SH3BGRL2: variants seen among roughly 807,000 people sequenced by gnomAD.
The protein encoded by SH3BGRL2 is SH3 domain-binding glutamic acid-rich-like protein 2.
A neutral mutation model predicts 14.8 loss-of-function variants in SH3BGRL2; 21 were observed. The ratio of observed to expected loss-of-function variants is 1.42; its 90% CI spans 1.01 to 2.05. SH3BGRL2 has a LOEUF of 2.05. Among genes scored for constraint, SH3BGRL2 ranks in the 30% most tolerant of loss-of-function variants. The pLI, the probability that SH3BGRL2 is intolerant of heterozygous loss-of-function variation, is 0.00. For synonymous variants in SH3BGRL2, 50 were observed against 47.8 expected, an observed-to-expected ratio of 1.05 and a Z score of -0.19; for missense variants, 147 against 130.8, an observed-to-expected ratio of 1.12 and a Z score of -0.61.
chr6:79,583,379 A>C, the SH3BGRL2 span, among the ~76,000 whole-genome samples: 4 of 152,204 alleles, frequency 2.6e-5, no homozygotes, highest in Non-Finnish European at 5.9e-5. Context: ...CTTGGAACCA[A>C]CCCAAATGCC....
intron 1 of SH3BGRL2, among the ~76,000 whole-genome samples, chr6:79,652,456 A>G (rs1265590129): frequency 6.6e-6 from 1 of 152,168 alleles, no homozygotes; most frequent in Non-Finnish European, 1.5e-5. Context: ...ACATTAGTAT[A>G]AGAACGACAG....
At chr6:79,545,386 C>G in the SH3BGRL2 span, among the ~76,000 whole-genome samples, 19 of 152,286 alleles carry the variant, frequency 1.2e-4, no homozygotes, top group Non-Finnish European at 2.6e-4. Context: ...CTTTATTACT[C>G]AGGTGACTTT....
At chr6:79,538,029 T>G in the SH3BGRL2 span, among the ~76,000 whole-genome samples, 11 of 96,430 alleles carry the variant, frequency 1.1e-4, no homozygotes, top group African/African-American at 5.0e-4. Context: ...TTTTTTTTTT[T>G]TTTTTTTTTT....
the SH3BGRL2 span, among the ~76,000 whole-genome samples, chr6:79,562,606 A>G: frequency 8.1e-4 from 123 of 152,310 alleles, no homozygotes; most frequent in African/African-American, 2.8e-3. Context: ...AGAAACACAC[A>G]CACTGACCAC....
chr6:79,600,135 C>T, the SH3BGRL2 span, among the ~76,000 whole-genome samples: 4 of 152,242 alleles, frequency 2.6e-5, no homozygotes, highest in African/African-American at 7.2e-5. Flanking sequence ...CTCCTCAGCA[C>T]AAGCATTATT....
intron 3 of SH3BGRL2, among the ~76,000 whole-genome samples, chr6:79,697,527 C>A (rs1205595886): frequency 6.6e-6 from 1 of 152,192 alleles, no homozygotes; most frequent in Admixed American, 6.5e-5. Flanking sequence ...AGGAAGAAGG[C>A]AGGGACCCTC....
At chr6:79,609,939 T>G in the SH3BGRL2 span, among the ~76,000 whole-genome samples, 1 of 152,258 alleles carries the variant, frequency 6.6e-6, no homozygotes, top group African/African-American at 2.4e-5. Flanking sequence ...TATGGCATTT[T>G]TGCATATGGA....
At chr6:79,649,904 G>C (rs1769247468) in intron 1 of SH3BGRL2, among the ~76,000 whole-genome samples, 2 of 151,986 alleles carry the variant, frequency 1.3e-5, no homozygotes, top group South Asian at 4.2e-4. Context: ...GTAAACGTCT[G>C]AGTGAACCTC....
chr6:79,683,129 A>G (rs1285340558), intron 2 of SH3BGRL2, among the ~76,000 whole-genome samples: 2 of 152,186 alleles, frequency 1.3e-5, no homozygotes, highest in South Asian at 2.1e-4. Context: ...GCAAACCAAT[A>G]TGGTACATGT....
chr6:79,642,928 A>G (rs371491625), intron 1 of SH3BGRL2, among the ~76,000 whole-genome samples: 1 of 152,164 alleles, frequency 6.6e-6, no homozygotes, highest in African/African-American at 2.4e-5. Flanking sequence ...GGGCTGGCAG[A>G]TGGGCAGGTA....
At chr6:79,648,273 T>TATATATATATAC (rs1354757610) in intron 1 of SH3BGRL2, among the ~76,000 whole-genome samples, 1 of 130,196 alleles carries the variant, frequency 7.7e-6, no homozygotes, top group Admixed American at 7.9e-5. Flanking sequence ...TATATATATA[T>TATATATATATAC]ATATATATAT....
chr6:79,670,341 T>G (rs1214996347), intron 1 of SH3BGRL2, among the ~76,000 whole-genome samples: 1 of 152,170 alleles, frequency 6.6e-6, no homozygotes, highest in African/African-American at 2.4e-5. Flanking sequence ...CTTTGTATGG[T>G]GTGTAGTAGT....
At chr6:79,564,740 A>G in the SH3BGRL2 span, among the ~76,000 whole-genome samples, 10 of 152,212 alleles carry the variant, frequency 6.6e-5, no homozygotes, top group African/African-American at 2.4e-4. Context: ...GGTTGATAAA[A>G]TGATACATTA....
upstream of SH3BGRL2, among the ~76,000 whole-genome samples, chr6:79,629,379 C>CA (rs1768782252): frequency 6.6e-6 from 1 of 151,950 alleles, no homozygotes; most frequent in Non-Finnish European, 1.5e-5. Context: ...CTTAGGTGCT[C>CA]ACTCCTAGAT....
At chr6:79,645,310 C>A (rs1769118920) in intron 1 of SH3BGRL2, among the ~76,000 whole-genome samples, 4 of 152,132 alleles carry the variant, frequency 2.6e-5, no homozygotes, top group Admixed American at 2.6e-4. Flanking sequence ...ATTTTAAATT[C>A]TTTTGAGCAA....
chr6:79,660,498 C>T (rs1300832308), intron 1 of SH3BGRL2, among the ~76,000 whole-genome samples: 3 of 151,994 alleles, frequency 2.0e-5, no homozygotes, highest in Non-Finnish European at 4.4e-5. Context: ...GCGACCTGAT[C>T]GTGGTGGATA....
intron 1 of SH3BGRL2, among the ~76,000 whole-genome samples, chr6:79,644,068 G>A (rs2127724552): frequency 6.6e-6 from 1 of 152,292 alleles, no homozygotes; most frequent in Non-Finnish European, 1.5e-5. Context: ...ATATATTGGG[G>A]CCTTTTGGGC....
chr6:79,569,091 C>CATGTACGATGTACATTGTAAG, the SH3BGRL2 span, among the ~76,000 whole-genome samples: 4 of 152,136 alleles, frequency 2.6e-5, no homozygotes, highest in Non-Finnish European at 5.9e-5. Flanking sequence ...TCAATCAATA[C>CATGTACGATGTACATTGTAAG]ATGTACGATG....
At chr6:79,574,909 C>T in the SH3BGRL2 span, 1 of 152,248 alleles carries the variant, frequency 6.6e-6, no homozygotes, top group South Asian at 2.1e-4. Context: ...ACAAGCCCCT[C>T]TAGGTGGCTA....
Sources: gnomAD v4.1 joint callset for allele counts (sites outside exome capture counted in the v4.1 genomes callset) on GRCh38, gnomAD v4.1.1 for gene constraint, MANE v1.5 for transcripts, NCBI Gene and HGNC (gene_info 2026-07-23, HGNC 2026-07-21) for gene names.